The following NTRK3 variants were observed in gnomAD, a reference collection of about 807,000 sequenced individuals.
NTRK3 encodes neurotrophic receptor tyrosine kinase 3, also known as NT-3 growth factor receptor.
In NTRK3, 24 loss-of-function variants were observed where a neutral mutation model predicts 91.7. That is an observed-to-expected ratio of 0.26 (90% CI 0.19 to 0.37). The LOEUF is 0.37. Ranked by LOEUF, NTRK3 falls within the 10% of genes least tolerant of loss-of-function variation. The pLI is 1.00. For synonymous variants in NTRK3, 483 were observed against 404.0 expected (o/e 1.20, Z -2.34); for missense variants, 880 against 1,068.9 (o/e 0.82, Z 2.46).
At chr15:87,880,345 T>C (rs776766986) in exon 18 of NTRK3, 2 of 1,614,170 alleles carry the variant, frequency 1.2e-6, no homozygotes, top group Non-Finnish European at 1.7e-6. Flanking sequence ...CGAAGCTCCA[T>C]ACATCACTCT....
At chr15:88,168,958 G>A (rs2045254656) in intron 5 of NTRK3, among the ~76,000 whole-genome samples, 1 of 152,200 alleles carries the variant, frequency 6.6e-6, no homozygotes. Flanking sequence ...ACCTGAAAGA[G>A]GAATAGACAT....
chr15:87,916,198 G>A (rs1436479848), intron 17 of NTRK3: 1 of 258,420 alleles, frequency 3.9e-6, no homozygotes, highest in East Asian at 5.5e-5. Context: ...AGGAAGTCAA[G>A]GGAACACAAC....
At chr15:88,037,484 C>T (rs2079171899) in intron 13 of NTRK3, among the ~76,000 whole-genome samples, 1 of 152,128 alleles carries the variant, frequency 6.6e-6, no homozygotes, top group Non-Finnish European at 1.5e-5. Flanking sequence ...ATCACTTGAA[C>T]CTGGTAGTCG....
intron 12 of NTRK3, 49 bp from the exon 13 acceptor site, chr15:88,126,422 A>G (rs377715692): frequency 9.8e-5 from 127 of 1,297,284 alleles, no homozygotes; most frequent in African/African-American, 4.7e-4. Context: ...AGAAAACCCA[A>G]TTTCCTTGAA....
chr15:88,176,136 C>CTTTTTTTTTTTTTTT (rs139583264), intron 5 of NTRK3, among the ~76,000 whole-genome samples: 1 of 116,102 alleles, frequency 8.6e-6, no homozygotes, highest in African/African-American at 3.6e-5. Flanking sequence ...TATGCCCCTT[C>CTTTTTTTTTTTTTTT]TTTTTTTTTT....
At chr15:88,176,368 C>A (rs2045998495) in intron 5 of NTRK3, among the ~76,000 whole-genome samples, 1 of 152,074 alleles carries the variant, frequency 6.6e-6, no homozygotes, top group African/African-American at 2.4e-5. Context: ...ATCTCTTGAC[C>A]TCATCATCCA....
chr15:87,906,634 C>T (rs1359366763), intron 17 of NTRK3, among the ~76,000 whole-genome samples: 1 of 152,192 alleles, frequency 6.6e-6, no homozygotes, highest in African/African-American at 2.4e-5. Flanking sequence ...TTCATCCATA[C>T]AGTAAGTTTT....
At chr15:88,178,444 A>C (rs996011998) in intron 5 of NTRK3, among the ~76,000 whole-genome samples, 7 of 152,310 alleles carry the variant, frequency 4.6e-5, no homozygotes, top group Admixed American at 1.3e-4. Context: ...CTTTGCAAAC[A>C]TAACACAGTT....
chr15:87,890,402 A>G (rs535561500), intron 17 of NTRK3, among the ~76,000 whole-genome samples: 12 of 152,306 alleles, frequency 7.9e-5, no homozygotes, highest in Non-Finnish European at 1.6e-4. Context: ...AGTTCCTTTC[A>G]TCAGCTATTT....
intron 3 of NTRK3, among the ~76,000 whole-genome samples, chr15:88,247,112 A>G (rs2052910507): frequency 6.6e-6 from 1 of 152,228 alleles, no homozygotes; most frequent in Admixed American, 6.5e-5. Context: ...TGCCTGTGCC[A>G]AGACTCCCCC....
intron 5 of NTRK3, among the ~76,000 whole-genome samples, chr15:88,179,670 C>A (rs538313672): frequency 1.3e-5 from 2 of 152,254 alleles, no homozygotes; most frequent in East Asian, 3.9e-4. Flanking sequence ...GCTGCAGAAG[C>A]TGGGCTCAGA....
chr15:88,139,826 T>A (rs1342741793), intron 6 of NTRK3, among the ~76,000 whole-genome samples: 1 of 150,260 alleles, frequency 6.7e-6, no homozygotes, highest in Non-Finnish European at 1.5e-5. Context: ...ATCTGTCATG[T>A]GCAAGGCATT....
At chr15:88,213,638 A>C (rs1396500381) in intron 3 of NTRK3, among the ~76,000 whole-genome samples, 2 of 152,180 alleles carry the variant, frequency 1.3e-5, no homozygotes, top group Admixed American at 1.3e-4. Context: ...GCTGGGCACT[A>C]TTTTACATGC....
rs2051565124 is a variant in NTRK3 at position 88,235,020 on chromosome 15, A to G, written c.248+20886T>C. ...AGCTCTGACTGTCTGTCACTGACAG[A>G]TCGAAGCTGGACAATCCATTCTCCG... is the stretch of plus-strand genomic sequence containing the variant. On this transcript the variant is annotated intron_variant, in intron 3 of 18. Transcript: ENST00000394480. The surrounding 1 kb of genome is among the most constrained non-coding windows in gnomAD (Gnocchi z 5.2). Among the ~76,000 whole-genome samples the G allele has an allele frequency of 6.6e-6, 1 of 152,138 alleles. No homozygotes were observed. Among genetic ancestry groups the G allele is most frequent in the Non-Finnish European group, 1.5e-5 (1 of 68,028 alleles).
intron 9 of NTRK3, 151 bp downstream of exon 9, chr15:88,135,748 T>C: frequency 9.3e-7 from 1 of 1,075,698 alleles, no homozygotes; most frequent in Admixed American, 2.1e-5. Context: ...AGGACTTACT[T>C]CTCAGTCCTG....
At chr15:88,019,389 G>T (rs2077452562) in intron 14 of NTRK3, among the ~76,000 whole-genome samples, 1 of 152,210 alleles carries the variant, frequency 6.6e-6, no homozygotes, top group African/African-American at 2.4e-5. Flanking sequence ...TGCTAACAGA[G>T]CCCTGTGATT....
intron 18 of NTRK3, among the ~76,000 whole-genome samples, chr15:87,878,581 A>G (rs2065061882): frequency 6.6e-6 from 1 of 152,218 alleles, no homozygotes. Context: ...GCTAATGCCA[A>G]GATCAAAGGC....
At chr15:88,003,711 T>C (rs893835789) in intron 14 of NTRK3, among the ~76,000 whole-genome samples, 1 of 151,998 alleles carries the variant, frequency 6.6e-6, no homozygotes, top group Admixed American at 6.6e-5. Flanking sequence ...TAAGCCAATA[T>C]AACATATGGA....
intron 15 of NTRK3, among the ~76,000 whole-genome samples, chr15:87,936,260 A>G (rs1265359922): frequency 1.3e-5 from 2 of 152,184 alleles, no homozygotes; most frequent in East Asian, 3.9e-4. Context: ...AGGCGTTTGT[A>G]TAGTATCTTT....
Sources: allele counts gnomAD v4.1 joint callset (sites outside exome capture counted in the v4.1 genomes callset), GRCh38; gene constraint gnomAD v4.1.1; non-coding constraint Gnocchi (gnomAD v3.1); transcripts MANE v1.5; gene names NCBI Gene and HGNC (gene_info 2026-07-23, HGNC 2026-07-21).